The following PLCB1 variants were observed in gnomAD, a reference collection of about 807,000 sequenced individuals.
The protein encoded by PLCB1 is 1-phosphatidylinositol 4,5-bisphosphate phosphodiesterase beta-1.
PLCB1 carries 46 observed loss-of-function variants against 161.8 expected under a neutral mutation model. The ratio of observed to expected loss-of-function variants is 0.28; its 90% CI spans 0.22 to 0.36. PLCB1 has a LOEUF of 0.36. PLCB1 is among the 10% of genes least tolerant of loss of function. The pLI, the probability that PLCB1 is intolerant of heterozygous loss-of-function variation, is 1.00. For missense variants in PLCB1, 1,016 were observed against 1,472.5 expected, an observed-to-expected ratio of 0.69 and a Z score of 5.07; for synonymous variants, 517 against 503.7, an observed-to-expected ratio of 1.03 and a Z score of -0.35.
Position 8,722,347 on chromosome 20 carries a change from T to A in PLCB1, c.1514-7T>A, listed in dbSNP as rs1277478586. On this transcript the variant is annotated splice_region_variant and splice_polypyrimidine_tract_variant and intron_variant, in intron 14 of 31. Transcript: ENST00000338037. Reference sequence around the variant, plus strand: ...TGACATGATGATCTGTTATTAAAATTTGACAGGAGAAGCTGATACGGAAAG... The same window carrying A: ...TGACATGATGATCTGTTATTAAAATATGACAGGAGAAGCTGATACGGAAAG... 2.5e-6 allele frequency: 4 copies of A among 1,607,858 alleles called. No individual in the cohort carries two copies. Among genetic ancestry groups the A allele is most frequent in the Non-Finnish European group, 3.4e-6 (4 of 1,176,572 alleles).
At chr20:8,592,432 T>C (rs1390904988) in intron 3 of PLCB1, among the ~76,000 whole-genome samples, 1 of 152,208 alleles carries the variant, frequency 6.6e-6, no homozygotes, top group Non-Finnish European at 1.5e-5. Context: ...AAGTAATGCA[T>C]GCAGGTCTTG....
At chr20:8,451,094 A>C (rs956589380) in intron 3 of PLCB1, among the ~76,000 whole-genome samples, 25 of 152,330 alleles carry the variant, frequency 1.6e-4, no homozygotes, top group African/African-American at 6.0e-4. Context: ...TATAGATTGT[A>C]CATTTGTTTT....
chr20:8,523,066 G>T (rs1984414341), intron 3 of PLCB1, among the ~76,000 whole-genome samples: 1 of 152,100 alleles, frequency 6.6e-6, no homozygotes, highest in African/African-American at 2.4e-5. Context: ...GGATGAGATT[G>T]CTGTAGATGC....
At chr20:8,443,614 G>A (rs999428877) in intron 3 of PLCB1, among the ~76,000 whole-genome samples, 1 of 152,120 alleles carries the variant, frequency 6.6e-6, no homozygotes, top group Non-Finnish European at 1.5e-5. Context: ...CTGGCTCCCT[G>A]AGCAACTGAC....
intron 1 of PLCB1, among the ~76,000 whole-genome samples, chr20:8,144,423 G>C (rs1046350931): frequency 7.2e-5 from 11 of 152,156 alleles, no homozygotes; most frequent in African/African-American, 2.7e-4. Context: ...TTTTCTGCTT[G>C]TTCTGTAGGA....
chr20:8,572,021 T>G (rs1177733009), intron 3 of PLCB1, among the ~76,000 whole-genome samples: 1 of 152,186 alleles, frequency 6.6e-6, no homozygotes, highest in Admixed American at 6.5e-5. Flanking sequence ...TTTAATGTCA[T>G]TCTAAGTAAA....
intron 3 of PLCB1, among the ~76,000 whole-genome samples, chr20:8,480,228 C>G (rs554083786): frequency 2.0e-5 from 3 of 152,246 alleles, no homozygotes; most frequent in Admixed American, 1.3e-4. Context: ...AGCCAGGGGT[C>G]CCTGTCCAAT....
intron 3 of PLCB1, among the ~76,000 whole-genome samples, chr20:8,612,278 C>T (rs1466228096): frequency 2.6e-5 from 4 of 152,158 alleles, no homozygotes; most frequent in Admixed American, 6.5e-5. Flanking sequence ...CTGGAACATT[C>T]ATTTGCATAT....
rs1983710024 is a variant in PLCB1, at chr20:8,790,625, T to C, written c.3423+364T>C. On this transcript the variant is annotated intron_variant, in intron 31 of 31. Coordinates refer to ENST00000338037, the MANE Select transcript of PLCB1 (RefSeq NM_015192.4). ...GTAAACGTCAGTTCTAAATAGCTGA[T>C]GTAATGTTGTAATGCCACCCTCTGT... is the stretch of plus-strand genomic sequence containing the variant. Among the ~76,000 whole-genome samples, 2 of 152,234 alleles carry C rather than the reference T, an allele frequency of 1.3e-5. 1 individual carries two copies. Among genetic ancestry groups the C allele is most frequent in the Admixed American group, 1.3e-4 (2 of 15,288 alleles).
chr20:8,289,360 G>A (rs1011264585), intron 2 of PLCB1, among the ~76,000 whole-genome samples: 2 of 152,146 alleles, frequency 1.3e-5, no homozygotes, highest in Admixed American at 1.3e-4. Context: ...GTCTGATGAG[G>A]GACCTGAGGA....
chr20:8,584,481 CAG>C (rs1294131298), intron 3 of PLCB1, among the ~76,000 whole-genome samples: 2 of 121,472 alleles, frequency 1.6e-5, no homozygotes, highest in African/African-American at 7.1e-5. Flanking sequence ...TACACACACA[CAG>C]ACACACACAC....
intron 2 of PLCB1, among the ~76,000 whole-genome samples, chr20:8,366,946 T>G (rs117983418): frequency 3.3e-4 from 50 of 152,310 alleles, no homozygotes; most frequent in Middle Eastern, 3.4e-3. Context: ...TCTAATGTTA[T>G]GAAGTATAAT....
chr20:8,287,798 G>A (rs1983195047), intron 2 of PLCB1, among the ~76,000 whole-genome samples: 1 of 152,056 alleles, frequency 6.6e-6, no homozygotes, highest in South Asian at 2.1e-4. Flanking sequence ...AAGGTCCATG[G>A]GGCCAGTTAA....
chr20:8,604,954 T>A (rs1323240661), intron 3 of PLCB1, among the ~76,000 whole-genome samples: 1 of 152,118 alleles, frequency 6.6e-6, no homozygotes, highest in African/African-American at 2.4e-5. Flanking sequence ...TTAAGTAAAT[T>A]TATTTTTTAA....
At chr20:8,787,457 T>A (rs1983544027) in intron 27 of PLCB1, among the ~76,000 whole-genome samples, 1 of 152,224 alleles carries the variant, frequency 6.6e-6, no homozygotes, top group African/African-American at 2.4e-5. Context: ...AGAAGACTAG[T>A]CAACTCAGCT....
intron 3 of PLCB1, among the ~76,000 whole-genome samples, chr20:8,543,364 G>A (rs1215709197): frequency 6.6e-6 from 1 of 152,032 alleles, no homozygotes; most frequent in Non-Finnish European, 1.5e-5. Flanking sequence ...TTGAGACAAG[G>A]CATGGTGTAA....
chr20:8,877,319 G>A (rs764952645), intron 31 of PLCB1, among the ~76,000 whole-genome samples: 1 of 152,176 alleles, frequency 6.6e-6, no homozygotes, highest in Non-Finnish European at 1.5e-5. Flanking sequence ...GGAGTCCCCT[G>A]GTTAAAGCCA....
intron 31 of PLCB1, among the ~76,000 whole-genome samples, chr20:8,796,633 T>G (rs1352501697): frequency 6.6e-6 from 1 of 152,138 alleles, no homozygotes; most frequent in Admixed American, 6.5e-5. Context: ...AGAAAATTCT[T>G]TTTCATTTTT....
intron 2 of PLCB1, among the ~76,000 whole-genome samples, chr20:8,291,771 C>T (rs1358005037): frequency 6.6e-6 from 1 of 151,982 alleles, no homozygotes; most frequent in Non-Finnish European, 1.5e-5. Flanking sequence ...GTCTTTATTC[C>T]CATTTTACAG....
Sources: gnomAD v4.1 joint callset for allele counts (sites outside exome capture counted in the v4.1 genomes callset) on GRCh38, gnomAD v4.1.1 for gene constraint, MANE v1.5 for transcripts, NCBI Gene and HGNC (gene_info 2026-07-23, HGNC 2026-07-21) for gene names.